The following CHD3 variants were observed in gnomAD, a reference collection of about 807,000 sequenced individuals.
CHD3 encodes ATP-dependent chromatin remodeler CHD3.
Under a neutral mutation model 248.9 loss-of-function variants are expected in CHD3, and 52 were observed. That is an observed-to-expected ratio of 0.21 (90% confidence interval 0.17 to 0.26). CHD3 has a LOEUF of 0.26. Ranked by LOEUF, CHD3 falls within the 10% of genes least tolerant of loss-of-function variation. The probability of loss-of-function intolerance (pLI) is 1.00; values close to 1 mark genes in which losing one functional copy is unlikely to be tolerated. For missense variants in CHD3, 1,482 were observed against 2,605.8 expected (o/e 0.57, Z 9.39); for synonymous variants, 985 against 985.2 (o/e 1.00, Z 0.00).
chr17:7,904,483 T>C lies in CHD3; in HGVS notation c.3936T>C (p.Asn1312=). ...GAGAGATCATCAAGCAGGAGGAGAA[T>C]GTGGACCCTGACTACTGGGAGAAGC... is the stretch of plus-strand genomic sequence containing the variant. ...IEREIIKQEE[N]VDPDYWEKLL... The change falls in exon 25 of 40, where the codon AAT becomes AAC. Residue 1312 remains asparagine, a synonymous_variant. Coordinates refer to ENST00000330494, the MANE Select transcript of CHD3 (RefSeq NM_001005273.3). The surrounding 1 kb of genome is among the most constrained non-coding windows in gnomAD (Gnocchi z 4.4). 1.2e-6 allele frequency: 2 copies of C among 1,613,796 alleles called. No homozygotes were observed. Among genetic ancestry groups the C allele is most frequent in the Non-Finnish European group, 8.5e-7 (1 of 1,179,952 alleles).
rs1971694209 is a variant in CHD3 at position 7,911,731 on chromosome 17, C to T, written c.*146C>T. ...AACCCCTTTGCCCCTCTCTGCAGCTCCTCTCTTCAAGAAGGGCCCTTTGTC... is the reference window on the plus strand; with the variant it reads ...AACCCCTTTGCCCCTCTCTGCAGCTTCTCTCTTCAAGAAGGGCCCTTTGTC... On this transcript the variant is annotated 3_prime_UTR_variant, in exon 40 of 40. Transcript: ENST00000330494. This position sits in a 1 kb window ranked among gnomAD's most constrained non-coding sequence, Gnocchi z 5.4. The T allele has an allele frequency of 6.5e-7, 1 of 1,542,676 alleles. No individual in the cohort carries two copies. The highest frequency in any genetic ancestry group is 1.2e-5 in the South Asian group (1 of 84,294).
chr17:7,908,958 T>A lies in CHD3; in HGVS notation c.5394+129T>A, dbSNP rs771395081. ...GTGATACCTGGGGCCAAGACCAAAGTGTAACCTTGTGCTTGGGAGTGTGAT... is the reference window on the plus strand; with the variant it reads ...GTGATACCTGGGGCCAAGACCAAAGAGTAACCTTGTGCTTGGGAGTGTGAT... On this transcript the variant is annotated intron_variant, in intron 36 of 39. Transcript: ENST00000330494. This position sits in a 1 kb window ranked among gnomAD's most constrained non-coding sequence, Gnocchi z 5.8. The A allele has an allele frequency of 5.6e-6, 8 of 1,434,968 alleles. No homozygotes were observed. The highest frequency in any genetic ancestry group is 7.7e-6 in the Non-Finnish European group (8 of 1,041,574). 88.9% of individuals were successfully genotyped at this position (1,434,968 alleles called of 1,614,324 possible). A position where few individuals can be genotyped will look rare whatever the true frequency, so the allele number is the denominator to read the frequency against.
At chr17:7,887,773 C>G (rs1174719658), upstream of CHD3, among the ~76,000 whole-genome samples, 2 of 152,242 alleles carry the variant, frequency 1.3e-5, no homozygotes, top group African/African-American at 4.8e-5. Context: ...TCCCTGCCTC[C>G]CTGAGATCCG....
At chr17:7,892,496 C>CTTTTT (rs34196029) in intron 4 of CHD3, among the ~76,000 whole-genome samples, 3 of 112,464 alleles carry the variant, frequency 2.7e-5, no homozygotes, top group Admixed American at 1.0e-4. Flanking sequence ...TTTATTTCCC[C>CTTTTT]TTTTTTTTTT....
chr17:7,885,025 CCCGCCGCCGCCG>C (rs759738955), upstream of CHD3: 70 of 1,161,208 alleles, frequency 6.0e-5, no homozygotes, highest in Admixed American at 1.8e-4. Flanking sequence ...GCCACCTCTT[CCCGCCGCCGCCG>C]CCGCCGCCGC....
At position 7,902,808 on chromosome 17, in the gene CHD3, G is replaced by A. The variant is rs73977778; in HGVS notation, c.3370+81G>A. On this transcript the variant is annotated intron_variant, in intron 21 of 39. Transcript: ENST00000330494. The stretch of plus-strand genomic sequence containing the variant: ...AGGTCCCTGGGATGGGAGGGGGACT[G>A]GCTTGGGGGACATTGGAAACTTAGG... 3,420 of 1,586,010 alleles carry A rather than the reference G, an allele frequency of 2.2e-3. 63 individuals carry two copies. In the African/African-American group the frequency reaches 0.041, roughly 19 times the overall value.
chr17:7,888,124 G>A (rs1329973061), upstream of CHD3, among the ~76,000 whole-genome samples: 2 of 152,216 alleles, frequency 1.3e-5, no homozygotes, highest in Non-Finnish European at 2.9e-5. Context: ...CTGGGGCATG[G>A]CGCCTTCCTT....
chr17:7,908,015 C>T lies in CHD3; in HGVS notation c.5148C>T (p.Phe1716=), dbSNP rs771586439. The change falls in exon 34 of 40, where the codon TTC becomes TTT. Residue 1716 remains phenylalanine (F), a synonymous_variant. Transcript: ENST00000330494. The surrounding 1 kb of genome is among the most constrained non-coding windows in gnomAD (Gnocchi z 5.8). ...RFMFNIADGG[F]TELHTLWQNE... is the part of the protein sequence containing the mutation. ...TGTTCAATATCGCCGATGGTGGCTT[C>T]ACAGGTTGGGGAGACTCTCGCTGCT... 1.2e-6 allele frequency: 2 copies of T among 1,601,450 alleles called. No individual in the cohort carries two copies. The highest frequency in any genetic ancestry group is 2.2e-5 in the South Asian group (2 of 90,400).
upstream of CHD3, chr17:7,885,200 T>G (rs1459107126): frequency 4.2e-6 from 4 of 941,704 alleles, no homozygotes; most frequent in African/African-American, 7.3e-5. Flanking sequence ...GGAGCGCGAA[T>G]CCGGGGCTCG....
chr17:7,889,047 A>T lies in CHD3; in HGVS notation c.47A>T (p.Asp16Val), dbSNP rs756575816. ...TVILWARSKNDQLRISFPPGL... is the reference protein window; with the variant it reads ...TVILWARSKNVQLRISFPPGL... ...ATCCTGTGGGCAAGAAGTAAAAATG[A>T]CCAGCTGAGGATTTCTTTTCCTCCA... The change falls in exon 1 of 40, where the codon GAC becomes GTC. Residue 16 changes from aspartate to valine, a missense_variant. By Grantham distance (152) the Asp-to-Val change is radical (BLOSUM62 -3). Transcript: ENST00000330494. The surrounding 1 kb of genome is among the most constrained non-coding windows in gnomAD (Gnocchi z 4.5). The T allele has an allele frequency of 6.2e-7, 1 of 1,614,230 alleles. No individual in the cohort carries two copies. Among genetic ancestry groups the T allele is most frequent in the Admixed American group, 1.7e-5 (1 of 60,028 alleles).
chr17:7,885,030 C>CGCCGCCGCCGCCGCCGCCACCGCT (rs1597892147), upstream of CHD3: 10 of 1,114,828 alleles, frequency 9.0e-6, no homozygotes, highest in East Asian at 4.7e-4. Flanking sequence ...CTCTTCCCGC[C>CGCCGCCGCCGCCGCCGCCACCGCT]GCCGCCGCCG....
chr17:7,912,085 A>G lies in CHD3; in HGVS notation c.*500A>G. ...CCCTGGGAGGGAGGAAGGGACGAGG[A>G]GGGGTGGCTGCATGTTACCGTCCCC... is the stretch of plus-strand genomic sequence containing the variant. On this transcript the variant is annotated 3_prime_UTR_variant, in exon 40 of 40. Transcript: ENST00000330494. The G allele has an allele frequency of 3.8e-6, 1 of 261,202 alleles. No individual in the cohort carries two copies. Among genetic ancestry groups the G allele is most frequent in the South Asian group, 3.8e-5 (1 of 26,284 alleles). 16.2% of individuals were successfully genotyped at this position (261,202 alleles called of 1,614,324 possible).
In CHD3 at chr17:7,909,756, C is replaced by T. The variant is rs916578401; in HGVS notation, c.5590+418C>T. On this transcript the variant is annotated intron_variant, in intron 37 of 39. Transcript: ENST00000330494. The surrounding 1 kb of genome is among the most constrained non-coding windows in gnomAD (Gnocchi z 8.1). ...CTCACATGTGTTTCACCCCATAAGGCAGAAACTACCACCCATCCAACCCTC... is the reference window on the plus strand; with the variant it reads ...CTCACATGTGTTTCACCCCATAAGGTAGAAACTACCACCCATCCAACCCTC... 9 of 202,032 alleles carry T rather than the reference C, an allele frequency of 4.5e-5. No individual in the cohort carries two copies. Among genetic ancestry groups the T allele is most frequent in the Non-Finnish European group, 9.0e-5 (9 of 99,906 alleles). 12.5% of individuals were successfully genotyped at this position (202,032 alleles called of 1,614,324 possible). A position where few individuals can be genotyped will look rare whatever the true frequency, so the allele number is the denominator to read the frequency against.
chr17:7,903,779 C>T lies in CHD3; in HGVS notation c.3728-46C>T, dbSNP rs770564531. 4 of 1,602,256 alleles carry T rather than the reference C, an allele frequency of 2.5e-6. No individual in the cohort carries two copies. The highest frequency in any genetic ancestry group is 3.4e-6 in the Non-Finnish European group (4 of 1,171,338). On this transcript the variant is annotated intron_variant, in intron 23 of 39. Transcript: ENST00000330494. This position sits in a 1 kb window ranked among gnomAD's most constrained non-coding sequence, Gnocchi z 6.8. ...AGTAGAAGCTTTCCCATCAGCCTTT[C>T]TAAACTTTGGAACCCAAAGTTCCCG...
In CHD3 at chr17:7,908,726, A is replaced by C; in HGVS notation, c.5291A>C (p.Gln1764Pro). ...LHGYARWQDI[Q>P]NDAQFAIINE... The stretch of plus-strand genomic sequence containing the variant: ...GGCTATGCACGGTGGCAGGACATCC[A>C]GAATGATGCTCAATTTGCCATTATC... Residue 1764 changes from glutamine to proline, a missense_variant, in exon 36 of 40, where the codon CAG becomes CCG. By Grantham distance (76) the Gln-to-Pro change is moderately conservative. Around this residue, in one of 20 missense-constraint regions of CHD3, gnomAD observed 36 missense variants for 70.4 expected, o/e 0.51. Transcript: ENST00000330494. The surrounding 1 kb of genome is among the most constrained non-coding windows in gnomAD (Gnocchi z 5.8). 6.2e-7 allele frequency: 1 copy of C among 1,614,220 alleles called. No individual in the cohort carries two copies. The highest frequency in any genetic ancestry group is 8.5e-7 in the Non-Finnish European group (1 of 1,180,030).
Position 7,904,345 on chromosome 17 carries a change from C to A in CHD3, c.3895-97C>A. ...CACGAAGCTGCAGGAGTGGGGAGAC[C>A]GGATTGGGCTGACGCAGCAGAGTAG... On this transcript the variant is annotated intron_variant, in intron 24 of 39. Coordinates refer to ENST00000330494, the MANE Select transcript of CHD3 (RefSeq NM_001005273.3). The surrounding 1 kb of genome is among the most constrained non-coding windows in gnomAD (Gnocchi z 4.4). The A allele has an allele frequency of 8.5e-7, 1 of 1,174,626 alleles. No homozygotes were observed. The highest frequency in any genetic ancestry group is 1.4e-5 in the South Asian group (1 of 69,514). 72.8% of individuals were successfully genotyped at this position (1,174,626 alleles called of 1,614,324 possible).
At chr17:7,901,068 GTA>G in intron 19 of CHD3, 75 bp downstream of exon 19, 1 of 1,559,864 alleles carries the variant, frequency 6.4e-7, no homozygotes, top group Non-Finnish European at 8.7e-7. Context: ...GGGGAGGTGG[GTA>G]TTGAGCCACA....
rs1053138031 is a variant in CHD3 at position 7,905,313 on chromosome 17, A to G, written c.4138+148A>G. ...GATGAGCAGAAAGGAAGAAATATTC[A>G]TAGTCTCTCTGCTAGTAAACTTCGG... On this transcript the variant is annotated intron_variant, in intron 26 of 39. Transcript: ENST00000330494. The surrounding 1 kb of genome is among the most constrained non-coding windows in gnomAD (Gnocchi z 5.8). 1.5e-5 allele frequency: 11 copies of G among 740,438 alleles called. No homozygotes were observed. The African/African-American group carries it at 1.7e-4, about 12-fold the overall frequency. The allele number at this position is 740,438 out of a possible 1,614,324, so 45.9% of individuals were successfully genotyped here.
At chr17:7,888,104 G>T (rs1348987225), upstream of CHD3, among the ~76,000 whole-genome samples, 1 of 152,218 alleles carries the variant, frequency 6.6e-6, no homozygotes, top group Non-Finnish European at 1.5e-5. Context: ...GGGCCAGGGG[G>T]AGCCGGCTGC....
Sources: allele counts gnomAD v4.1 joint callset (sites outside exome capture counted in the v4.1 genomes callset), GRCh38; gene constraint gnomAD v4.1.1; regional missense constraint gnomAD v4.1.1; non-coding constraint Gnocchi (gnomAD v3.1); transcripts MANE v1.5; gene names NCBI Gene and HGNC (gene_info 2026-07-23, HGNC 2026-07-21).